Variants in ARHGAP31 observed in about 807,000 individuals in gnomAD.
ARHGAP31 encodes rho GTPase-activating protein 31.
ARHGAP31 carries 34 observed loss-of-function variants against 113.9 expected under a neutral mutation model. The ratio of observed to expected loss-of-function variants is 0.30; its 90% CI spans 0.23 to 0.40. The LOEUF (loss-of-function observed/expected upper bound fraction) is 0.40. ARHGAP31 is among the 10% of genes least tolerant of loss of function. The pLI, the probability that ARHGAP31 is intolerant of heterozygous loss-of-function variation, is 1.00. For synonymous variants in ARHGAP31, 650 were observed against 684.8 expected (o/e 0.95, Z 0.79); for missense variants, 1,548 against 1,767.1 (o/e 0.88, Z 2.22).
intron 1 of ARHGAP31, among the ~76,000 whole-genome samples, chr3:119,332,942 C>A (rs899132224): frequency 7.9e-5 from 12 of 152,112 alleles, no homozygotes; most frequent in African/African-American, 2.9e-4. Flanking sequence ...TTAATTCAAC[C>A]TATTAGGTAG....
Position 119,409,780 on chromosome 3 carries a change from A to C in ARHGAP31, c.1926+4A>C. 6.3e-7 allele frequency: 1 copy of C among 1,599,000 alleles called. No individual in the cohort carries two copies. Among genetic ancestry groups the C allele is most frequent in the Non-Finnish European group, 8.5e-7 (1 of 1,173,270 alleles). ...AGCTGTGCTTCTCCATGAGATGGTA[A>C]AGTGCATTCTCCACCTGCTCCAGCC... On this transcript the variant is annotated splice_donor_region_variant and intron_variant, in intron 11 of 11. Coordinates refer to ENST00000264245, the MANE Select transcript of ARHGAP31 (RefSeq NM_020754.4).
chr3:119,354,758 C>T (rs2080141666), intron 1 of ARHGAP31, among the ~76,000 whole-genome samples: 1 of 149,664 alleles, frequency 6.7e-6, no homozygotes. Flanking sequence ...GAACTCCTGA[C>T]CTCAGGTGAT....
chr3:119,401,096 G>A (rs188763786), intron 9 of ARHGAP31, among the ~76,000 whole-genome samples: 3 of 151,686 alleles, frequency 2.0e-5, no homozygotes, highest in African/African-American at 4.9e-5. Context: ...ACTTCAACCC[G>A]GGAGGTGGAG....
At chr3:119,317,543 C>T (rs2079745247) in intron 1 of ARHGAP31, among the ~76,000 whole-genome samples, 1 of 152,156 alleles carries the variant, frequency 6.6e-6, no homozygotes. Context: ...ATTAATGCCA[C>T]TTAATACCAG....
intron 1 of ARHGAP31, among the ~76,000 whole-genome samples, chr3:119,310,207 G>C (rs535823589): frequency 1.8e-4 from 28 of 152,292 alleles, no homozygotes; most frequent in African/African-American, 6.5e-4. Context: ...GCCACACAGG[G>C]AGCCCAGGCT....
Position 119,350,132 on chromosome 3 carries a change from C to T in ARHGAP31, c.101-15184C>T, listed in dbSNP as rs146210953. On this transcript the variant is annotated intron_variant, in intron 1 of 11. Transcript: ENST00000264245. ...GCACTCTGCATTTGCAAACACTGAA[C>T]AAGCTCATGGAAGAAATGAATTGCC... Among the ~76,000 whole-genome samples the T allele has an allele frequency of 3.6e-3, 547 of 152,260 alleles. 6 individuals carry two copies. The highest frequency in any genetic ancestry group is 0.012 in the African/African-American group (518 of 41,564).
In ARHGAP31 at chr3:119,416,504, A is replaced by G; in HGVS notation, c.*240A>G. On this transcript the variant is annotated 3_prime_UTR_variant, in exon 12 of 12. Transcript: ENST00000264245. ...GTGAGCAAGTGAGAGAAGGTTAGGTAAGGGGAGAGGATGGAATGCTTGCCT... is the reference window on the plus strand; with the variant it reads ...GTGAGCAAGTGAGAGAAGGTTAGGTGAGGGGAGAGGATGGAATGCTTGCCT... The G allele has an allele frequency of 1.8e-6, 1 of 559,136 alleles. No individual in the cohort carries two copies. The highest frequency in any genetic ancestry group is 5.0e-4 in the Middle Eastern group (1 of 1,982). The allele number at this position is 559,136 out of a possible 1,614,324, so 34.6% of individuals were successfully genotyped here.
intron 1 of ARHGAP31, chr3:119,324,845 CAG>C: frequency 4.5e-6 from 2 of 445,256 alleles, no homozygotes; most frequent in South Asian, 1.6e-5. Flanking sequence ...TTTAGTAAAA[CAG>C]AGAACCAATT....
Position 119,339,671 on chromosome 3 carries a change from C to T in ARHGAP31, c.101-25645C>T, listed in dbSNP as rs144177054. Among the ~76,000 whole-genome samples, 44 of 152,052 alleles carry T rather than the reference C, an allele frequency of 2.9e-4. No individual in the cohort carries two copies. In the East Asian group the frequency reaches 7.9e-3, roughly 27 times the overall value. ...AGAGTTGGAGAAGCAATGCAATGAA[C>T]GAAAAAGAGCATTTCCAAAAAATAG... On this transcript the variant is annotated intron_variant, in intron 1 of 11. Transcript: ENST00000264245.
chr3:119,334,486 C>G (rs1305984550), intron 1 of ARHGAP31, among the ~76,000 whole-genome samples: 5 of 152,250 alleles, frequency 3.3e-5, no homozygotes, highest in Non-Finnish European at 7.3e-5. Flanking sequence ...GGAGCTTCAG[C>G]CTTGGGGCTT....
chr3:119,383,310 G>A, intron 6 of ARHGAP31, 84 bp downstream of exon 6: 2 of 1,565,166 alleles, frequency 1.3e-6, no homozygotes, highest in South Asian at 1.1e-5. Flanking sequence ...AAGTGAGGGT[G>A]GGCTTAGTTC....
chr3:119,390,751 C>T (rs750255350), intron 6 of ARHGAP31, 34 bp from the exon 7 acceptor site: 6 of 1,603,992 alleles, frequency 3.7e-6, no homozygotes, highest in Non-Finnish European at 4.3e-6. Context: ...GGGCAGGCCT[C>T]CTCCAACACT....
intron 1 of ARHGAP31, among the ~76,000 whole-genome samples, chr3:119,302,217 T>C (rs1395529495): frequency 6.6e-6 from 1 of 152,202 alleles, no homozygotes; most frequent in East Asian, 1.9e-4. Context: ...ACTGATTCAG[T>C]GAGGGTCACA....
chr3:119,338,421 T>C (rs2079978331), intron 1 of ARHGAP31, among the ~76,000 whole-genome samples: 1 of 152,218 alleles, frequency 6.6e-6, no homozygotes, highest in South Asian at 2.1e-4. Flanking sequence ...AATTGGTAGA[T>C]GTGAAATAAA....
intron 1 of ARHGAP31, among the ~76,000 whole-genome samples, chr3:119,305,463 CAAT>C (rs1235337130): frequency 1.3e-5 from 2 of 152,048 alleles, no homozygotes; most frequent in Admixed American, 6.6e-5. Flanking sequence ...TATTGGGAAA[CAAT>C]GATGTCAACT....
chr3:119,388,497 C>T (rs2080474382), intron 6 of ARHGAP31, among the ~76,000 whole-genome samples: 1 of 152,010 alleles, frequency 6.6e-6, no homozygotes, highest in Admixed American at 6.6e-5. Context: ...GGATCTAAGC[C>T]TTCCAGCTCC....
intron 1 of ARHGAP31, among the ~76,000 whole-genome samples, chr3:119,357,197 G>A (rs1224419657): frequency 2.0e-5 from 3 of 152,218 alleles, no homozygotes; most frequent in East Asian, 3.8e-4. Context: ...ATAAGAACAC[G>A]GAGGAAGGAG....
intron 1 of ARHGAP31, among the ~76,000 whole-genome samples, chr3:119,347,188 C>A (rs2080068008): frequency 6.6e-6 from 1 of 152,158 alleles, no homozygotes. Context: ...CACCTGGGCC[C>A]AGCCTTTTCT....
chr3:119,404,274 T>TC (rs1363586204), intron 10 of ARHGAP31, among the ~76,000 whole-genome samples: 1 of 152,172 alleles, frequency 6.6e-6, no homozygotes, highest in Non-Finnish European at 1.5e-5. Context: ...TATCCGTTTT[T>TC]CCCCCTCTCT....
Sources: allele counts gnomAD v4.1 joint callset (sites outside exome capture counted in the v4.1 genomes callset), GRCh38; gene constraint gnomAD v4.1.1; transcripts MANE v1.5; gene names NCBI Gene and HGNC (gene_info 2026-07-23, HGNC 2026-07-21).